Variants in AXIN1 observed in about 807,000 individuals in gnomAD.
AXIN1 encodes axin 1.
A neutral mutation model predicts 76.4 loss-of-function variants in AXIN1; 30 were observed. The ratio of observed to expected loss-of-function variants is 0.39; its 90% confidence interval spans 0.29 to 0.53. The LOEUF (loss-of-function observed/expected upper bound fraction) is 0.53, where lower values mean the gene tolerates loss of function less well. AXIN1 is among the 20% of genes least tolerant of loss of function. AXIN1 has a pLI of 0.66. For missense variants in AXIN1, 1,140 were observed against 1,198.8 expected (o/e 0.95, Z 0.72); for synonymous variants, 545 against 501.4 (o/e 1.09, Z -1.16).
chr16:319,640 C>T (rs894355079), intron 2 of AXIN1, among the ~76,000 whole-genome samples: 1 of 152,170 alleles, frequency 6.6e-6, no homozygotes, highest in African/African-American at 2.4e-5. Context: ...GAAAGGTGCT[C>T]CTCCTGCCCC....
At chr16:339,890 G>A (rs1250078382) in intron 2 of AXIN1, among the ~76,000 whole-genome samples, 2 of 152,076 alleles carry the variant, frequency 1.3e-5, no homozygotes, top group East Asian at 3.9e-4. Flanking sequence ...CCTTTGCACA[G>A]GAAGCAGAGT....
At chr16:294,598 A>G (rs1293484437) in intron 7 of AXIN1, among the ~76,000 whole-genome samples, 1 of 151,546 alleles carries the variant, frequency 6.6e-6, no homozygotes, top group East Asian at 1.9e-4. Flanking sequence ...CTACAAAAAT[A>G]CAAAAAGTTA....
At chr16:343,738 G>T (rs1040728616) in intron 2 of AXIN1, among the ~76,000 whole-genome samples, 2 of 150,094 alleles carry the variant, frequency 1.3e-5, no homozygotes, top group Admixed American at 6.7e-5. Flanking sequence ...AACCAGCCAG[G>T]TGCAGTGGCT....
At chr16:302,999 C>T (rs1390486134) in intron 5 of AXIN1, among the ~76,000 whole-genome samples, 1 of 152,046 alleles carries the variant, frequency 6.6e-6, no homozygotes, top group Admixed American at 6.5e-5. Flanking sequence ...ATACCTGGGA[C>T]CACAGGTGTG....
intron 2 of AXIN1, among the ~76,000 whole-genome samples, chr16:345,125 G>T (rs141442214): frequency 2.0e-5 from 3 of 152,086 alleles, no homozygotes; most frequent in African/African-American, 7.2e-5. Flanking sequence ...CAGGAACCAC[G>T]CAGGGATCAC....
In AXIN1 at chr16:291,181, C is replaced by T. The variant is rs775966937; in HGVS notation, c.2294+9G>A. The T allele has an allele frequency of 4.1e-5, 64 of 1,571,488 alleles. No individual in the cohort carries two copies. In the South Asian group the frequency reaches 4.8e-4, roughly 12 times the overall value. ...GGCAGGACCGGGAGGACCCTCAGGA[C>T]GCACGTACTCTGTCTCGGAGAGCTC... On this transcript the variant is annotated intron_variant, in intron 9 of 10. Transcript: ENST00000262320.
chr16:294,654 GT>G (rs1213490452), intron 7 of AXIN1, among the ~76,000 whole-genome samples: 10 of 146,252 alleles, frequency 6.8e-5, no homozygotes, highest in African/African-American at 2.5e-4. Context: ...ACTCAGGTGG[GT>G]TAGACAGGAG....
intron 1 of AXIN1, among the ~76,000 whole-genome samples, chr16:350,099 T>C (rs1247117839): frequency 6.6e-6 from 1 of 152,246 alleles, no homozygotes; most frequent in Non-Finnish European, 1.5e-5. Context: ...ACTAATGTTT[T>C]AATTCATGTG....
intron 3 of AXIN1, among the ~76,000 whole-genome samples, 159 bp downstream of exon 3, chr16:314,384 C>T (rs886611450): frequency 2.6e-5 from 4 of 152,228 alleles, no homozygotes; most frequent in Non-Finnish European, 4.4e-5. Flanking sequence ...CTGAGCTGGC[C>T]GCGCTCTGCA....
chr16:309,855 C>G, intron 4 of AXIN1, 118 bp downstream of exon 4: 2 of 962,122 alleles, frequency 2.1e-6, no homozygotes, highest in South Asian at 1.4e-5. Context: ...CACGCTTACG[C>G]CTAGAGGTAA....
intron 2 of AXIN1, among the ~76,000 whole-genome samples, chr16:336,798 C>T (rs2053812848): frequency 8.0e-6 from 1 of 125,292 alleles, no homozygotes; most frequent in Non-Finnish European, 1.6e-5. Context: ...GTCTGGGCAA[C>T]AGAGCAAGAC....
rs763119561 is a variant in AXIN1 at position 304,347 on chromosome 16, T to C, written c.1211A>G (p.Glu404Gly). Residue 404 changes from glutamate to glycine, a missense_variant, in exon 5 of 11, where the codon GAG (glutamate) becomes GGG (glycine). Glu to Gly is a moderately conservative substitution (Grantham distance 98, BLOSUM62 -2). Transcript: ENST00000262320. ...CCGCTCCTCCAGCTTCTCCTCGGCC[T>C]CCCGCGTGCGCTGCACAGCCTCCAG... ...HRLEAVQRTR[E>G]AEEKLEERLK... is the part of the protein sequence containing the mutation. 6.2e-7 allele frequency: 1 copy of C among 1,612,506 alleles called. No homozygotes were observed. Among genetic ancestry groups the C allele is most frequent in the South Asian group, 1.1e-5 (1 of 91,076 alleles).
chr16:304,287 C>CGACGCGGAGCGCGACACT lies in AXIN1; in HGVS notation c.1254+16_1254+17insAGTGTCGCGCTCCGCGTC, dbSNP rs757939945. On this transcript the variant is annotated intron_variant, in intron 5 of 10. Coordinates refer to ENST00000262320, the MANE Select transcript of AXIN1 (RefSeq NM_003502.4). ...ACGACACCGACGCGGAGCGCGACAC[C>CGACGCGGAGCGCGACACT]GACGCGGCCCACTCACCATGCGCAC... The CGACGCGGAGCGCGACACT allele has an allele frequency of 1.3e-4, 214 of 1,609,746 alleles. No individual in the cohort carries two copies. The African/African-American group carries it at 2.7e-3, about 20-fold the overall frequency.
At chr16:315,163 G>C (rs925514413) in intron 2 of AXIN1, among the ~76,000 whole-genome samples, 1 of 152,154 alleles carries the variant, frequency 6.6e-6, no homozygotes, top group African/African-American at 2.4e-5. Flanking sequence ...AGTGTGTGTG[G>C]GTGGTGCCAC....
At chr16:326,923 G>A (rs901006155) in intron 2 of AXIN1, among the ~76,000 whole-genome samples, 15 of 151,558 alleles carry the variant, frequency 9.9e-5, no homozygotes, top group African/African-American at 2.9e-4. Flanking sequence ...GGGGGATCAC[G>A]AGGTCAGGAG....
At chr16:324,429 G>A (rs562692376) in intron 2 of AXIN1, among the ~76,000 whole-genome samples, 75 of 152,302 alleles carry the variant, frequency 4.9e-4, no homozygotes, top group African/African-American at 1.2e-3. Flanking sequence ...GGCCTCACAG[G>A]CCCGCGGTCC....
At chr16:310,897 T>C (rs1422148305) in intron 3 of AXIN1, among the ~76,000 whole-genome samples, 2 of 152,234 alleles carry the variant, frequency 1.3e-5, no homozygotes, top group African/African-American at 2.4e-5. Context: ...GATTGCACAG[T>C]GGGCAGCCAG....
chr16:329,162 C>T (rs1056818999), intron 2 of AXIN1, among the ~76,000 whole-genome samples: 3 of 150,862 alleles, frequency 2.0e-5, no homozygotes, highest in Admixed American at 2.0e-4. Flanking sequence ...CCTGTAATCC[C>T]ATCTACTCAA....
chr16:318,197 C>T (rs2053347598), intron 2 of AXIN1, among the ~76,000 whole-genome samples: 3 of 152,254 alleles, frequency 2.0e-5, no homozygotes, highest in Non-Finnish European at 2.9e-5. Flanking sequence ...GTTCATGTGT[C>T]CAATTCCAAA....
Sources: allele counts gnomAD v4.1 joint callset (sites outside exome capture counted in the v4.1 genomes callset), GRCh38; gene constraint gnomAD v4.1.1; transcripts MANE v1.5; gene names NCBI Gene and HGNC (gene_info 2026-07-23, HGNC 2026-07-21).